Variants in GPC5 observed in about 807,000 individuals in gnomAD.
GPC5 encodes glypican-5.
GPC5 carries 47 observed loss-of-function variants against 53.9 expected under a neutral mutation model. That is an observed-to-expected ratio of 0.87 (90% CI 0.69 to 1.11). The LOEUF is 1.11. Among genes scored for constraint, GPC5 ranks in the 50% most tolerant of loss-of-function variants. The pLI, the probability that GPC5 is intolerant of heterozygous loss-of-function variation, is 0.00. For synonymous variants in GPC5, 286 were observed against 263.3 expected (o/e 1.09, Z -0.84); for missense variants, 748 against 713.1 (o/e 1.05, Z -0.56).
intron 5 of GPC5, among the ~76,000 whole-genome samples, chr13:91,906,206 A>G (rs1474598176): frequency 6.6e-6 from 1 of 151,920 alleles, no homozygotes; most frequent in South Asian, 2.1e-4. Context: ...TGCTTTGTTC[A>G]CATACCTTTG....
intron 7 of GPC5, among the ~76,000 whole-genome samples, chr13:92,372,146 A>G (rs2043655735): frequency 6.6e-6 from 1 of 152,108 alleles, no homozygotes; most frequent in African/African-American, 2.4e-5. Flanking sequence ...GCCTTGCGAC[A>G]CTCTAGGCAG....
At chr13:92,188,975 A>G (rs1042695224) in intron 7 of GPC5, among the ~76,000 whole-genome samples, 1 of 152,212 alleles carries the variant, frequency 6.6e-6, no homozygotes, top group African/African-American at 2.4e-5. Flanking sequence ...AACTTACTAA[A>G]GCAGAAACTC....
At chr13:91,580,932 G>T (rs2032338096) in intron 2 of GPC5, among the ~76,000 whole-genome samples, 1 of 152,226 alleles carries the variant, frequency 6.6e-6, no homozygotes, top group African/African-American at 2.4e-5. Flanking sequence ...GGGTGGCGAG[G>T]CCTCATGAAA....
chr13:92,053,918 G>C (rs2041051821), intron 6 of GPC5, among the ~76,000 whole-genome samples: 1 of 151,774 alleles, frequency 6.6e-6, no homozygotes, highest in African/African-American at 2.4e-5. Context: ...TGTAATCCCA[G>C]CTCCTCGGGA....
intron 2 of GPC5, among the ~76,000 whole-genome samples, chr13:91,549,162 G>A (rs972288208): frequency 1.1e-4 from 16 of 152,008 alleles, no homozygotes; most frequent in Middle Eastern, 3.4e-3. Flanking sequence ...CCAACTACTC[G>A]TGAGGCTGAG....
intron 7 of GPC5, among the ~76,000 whole-genome samples, chr13:92,364,728 T>C (rs2043594944): frequency 6.6e-6 from 1 of 151,732 alleles, no homozygotes; most frequent in Non-Finnish European, 1.5e-5. Context: ...AGAGACTCCG[T>C]CTCAAACAAA....
chr13:92,270,893 A>G (rs541692420), intron 7 of GPC5, among the ~76,000 whole-genome samples: 9 of 152,286 alleles, frequency 5.9e-5, no homozygotes, highest in African/African-American at 2.2e-4. Flanking sequence ...TATAATACAT[A>G]ATCTTGCTTT....
intron 6 of GPC5, among the ~76,000 whole-genome samples, chr13:92,127,471 C>T (rs150237600): frequency 6.6e-6 from 1 of 151,886 alleles, no homozygotes; most frequent in East Asian, 1.9e-4. Flanking sequence ...GTTTAAATTC[C>T]CTACTGATAG....
intron 7 of GPC5, among the ~76,000 whole-genome samples, chr13:92,333,173 A>C (rs190297378): frequency 1.5e-3 from 222 of 152,304 alleles, no homozygotes; most frequent in African/African-American, 5.0e-3. Flanking sequence ...GGGAACCCAC[A>C]AAATGGAGCT....
intron 4 of GPC5, among the ~76,000 whole-genome samples, chr13:91,735,994 A>G (rs1213745506): frequency 6.6e-6 from 1 of 151,460 alleles, no homozygotes; most frequent in Non-Finnish European, 1.5e-5. Flanking sequence ...CATTGAGATT[A>G]CAGAGAAAAC....
intron 7 of GPC5, among the ~76,000 whole-genome samples, chr13:92,255,608 G>C (rs2139134211): frequency 6.6e-6 from 1 of 152,060 alleles, no homozygotes; most frequent in Non-Finnish European, 1.5e-5. Flanking sequence ...TTATATTAAG[G>C]AATAAACACA....
chr13:92,132,382 A>C (rs977002911), intron 6 of GPC5, among the ~76,000 whole-genome samples: 2 of 152,134 alleles, frequency 1.3e-5, no homozygotes, highest in African/African-American at 4.8e-5. Context: ...GGTTGCTTAA[A>C]ACACCAAAAA....
In GPC5 at chr13:91,712,692, G is replaced by A. The variant is rs987515160; in HGVS notation, c.1021-15840G>A. Among the ~76,000 whole-genome samples the A allele has an allele frequency of 5.3e-5, 8 of 152,004 alleles. 1 individual carries two copies. In the South Asian group the frequency reaches 6.2e-4, roughly 12 times the overall value. ...CTGGTGTCGTCTGACTTTGCTATTG[G>A]CTTTTTCATACACTGATCATCAGCT... On this transcript the variant is annotated intron_variant, in intron 3 of 7. Coordinates refer to ENST00000377067, the MANE Select transcript of GPC5 (RefSeq NM_004466.6).
At chr13:91,982,033 T>A (rs1354618096) in intron 6 of GPC5, among the ~76,000 whole-genome samples, 1 of 152,068 alleles carries the variant, frequency 6.6e-6, no homozygotes, top group Non-Finnish European at 1.5e-5. Context: ...CTTGCTGTGG[T>A]TAAGTAGTAG....
chr13:92,708,382 A>T (rs2139264466), intron 7 of GPC5, among the ~76,000 whole-genome samples: 1 of 152,266 alleles, frequency 6.6e-6, no homozygotes, highest in Admixed American at 6.5e-5. Flanking sequence ...CCTCTTCTCA[A>T]CTACATACCC....
At chr13:92,212,584 C>A (rs544501120) in intron 7 of GPC5, among the ~76,000 whole-genome samples, 44 of 152,234 alleles carry the variant, frequency 2.9e-4, no homozygotes, top group Non-Finnish European at 1.5e-4. Flanking sequence ...CATGGATCTA[C>A]CTTTGTTTGG....
intron 5 of GPC5, among the ~76,000 whole-genome samples, chr13:91,787,109 G>T (rs1486304090): frequency 3.3e-5 from 5 of 151,832 alleles, no homozygotes; most frequent in African/African-American, 1.2e-4. Flanking sequence ...AGATTCTATA[G>T]GATTTTCTAT....
At chr13:92,159,412 T>C (rs1045988815) in intron 7 of GPC5, among the ~76,000 whole-genome samples, 1 of 152,088 alleles carries the variant, frequency 6.6e-6, no homozygotes, top group Non-Finnish European at 1.5e-5. Context: ...CCATCGCTAG[T>C]CTGAGCGCCA....
intron 7 of GPC5, among the ~76,000 whole-genome samples, chr13:92,202,899 AT>A (rs1329852545): frequency 6.6e-6 from 1 of 152,186 alleles, no homozygotes; most frequent in Non-Finnish European, 1.5e-5. Context: ...AATTAGTATC[AT>A]GTCAACTTTT....
Sources: allele counts gnomAD v4.1 joint callset (sites outside exome capture counted in the v4.1 genomes callset), GRCh38; gene constraint gnomAD v4.1.1; transcripts MANE v1.5; gene names NCBI Gene and HGNC (gene_info 2026-07-23, HGNC 2026-07-21).